The following KLF12 variants were observed in gnomAD, a reference collection of about 807,000 sequenced individuals.
KLF12 encodes KLF transcription factor 12.
Under a neutral mutation model 37.8 loss-of-function variants are expected in KLF12, and 9 were observed. That is an observed-to-expected ratio of 0.24 (90% CI 0.14 to 0.42). The LOEUF (loss-of-function observed/expected upper bound fraction) is 0.42, where lower values mean the gene tolerates loss of function less well. KLF12 is among the 10% of genes least tolerant of loss of function. The pLI, the probability that KLF12 is intolerant of heterozygous loss-of-function variation, is 1.00. For synonymous variants in KLF12, 208 were observed against 202.1 expected (o/e 1.03, Z -0.25); for missense variants, 411 against 516.0 (o/e 0.80, Z 1.97).
At chr13:74,020,872 C>A (rs1310865390) in intron 1 of KLF12, among the ~76,000 whole-genome samples, 1 of 144,182 alleles carries the variant, frequency 6.9e-6, no homozygotes, top group African/African-American at 2.6e-5. Context: ...GCCTGGGCGA[C>A]AGAGCCACAC....
At chr13:74,239,215 G>C in the KLF12 span, among the ~76,000 whole-genome samples, 3 of 151,820 alleles carry the variant, frequency 2.0e-5, no homozygotes, top group Non-Finnish European at 4.4e-5. Flanking sequence ...AGTCATTCAG[G>C]AGCAGGTTGT....
At position 73,920,732 on chromosome 13, in the gene KLF12, C is replaced by T. The variant is rs116330552; in HGVS notation, c.123+23249G>A. 8.9e-3 allele frequency among the ~76,000 whole-genome samples: 1,350 copies of T among 152,148 alleles called. 22 individuals carry two copies. Among genetic ancestry groups the T allele is most frequent in the African/African-American group, 0.031 (1,286 of 41,490 alleles). ...GGATTTCCTGCTTTTCACTTCTACC[C>T]CCTCCCTCAAGAGTCATCTCTCTCT... On this transcript the variant is annotated intron_variant, in intron 3 of 7. Transcript: ENST00000377669.
the KLF12 span, among the ~76,000 whole-genome samples, chr13:74,299,551 A>G: frequency 6.6e-6 from 1 of 152,160 alleles, no homozygotes; most frequent in Admixed American, 6.6e-5. Context: ...TTACACAGCA[A>G]TGATCAACAG....
rs776521333 is a variant in KLF12 at position 73,710,175 on chromosome 13, C to CA, written c.1027+5192dup. Among the ~76,000 whole-genome samples the CA allele has an allele frequency of 3.9e-5, 6 of 152,198 alleles. No homozygotes were observed. The East Asian group carries it at 9.7e-4, about 24-fold the overall frequency. ...CAAAGCCATCATTAAGGGACAGCTC[C>CA]AACCACACATACAACATGGCATGTT... On this transcript the variant is annotated intron_variant, in intron 7 of 7. Coordinates refer to ENST00000377669, the MANE Select transcript of KLF12 (RefSeq NM_007249.5).
chr13:74,193,875 T>C, the KLF12 span, among the ~76,000 whole-genome samples: 1 of 152,216 alleles, frequency 6.6e-6, no homozygotes. Flanking sequence ...ATGCTACTAG[T>C]ATTTGTAACA....
chr13:73,915,951 G>C (rs143189324), intron 3 of KLF12, among the ~76,000 whole-genome samples: 6 of 152,118 alleles, frequency 3.9e-5, no homozygotes, highest in Middle Eastern at 3.4e-3. Context: ...AAAGACTTGA[G>C]AAGGAAACTT....
At chr13:74,122,619 A>C (rs1877696459) in intron 1 of KLF12, among the ~76,000 whole-genome samples, 1 of 152,074 alleles carries the variant, frequency 6.6e-6, no homozygotes, top group South Asian at 2.1e-4. Context: ...AGCGACAAAA[A>C]CTGGAAACAC....
At chr13:73,914,533 A>G (rs1036054483) in intron 3 of KLF12, among the ~76,000 whole-genome samples, 16 of 152,202 alleles carry the variant, frequency 1.1e-4, no homozygotes, top group African/African-American at 3.6e-4. Flanking sequence ...ACAGAAAAAA[A>G]CAAATTCTCT....
intron 6 of KLF12, among the ~76,000 whole-genome samples, chr13:73,755,749 C>A (rs745355491): frequency 6.6e-6 from 1 of 151,488 alleles, no homozygotes; most frequent in Non-Finnish European, 1.5e-5. Flanking sequence ...ACCCTCACCA[C>A]CCCCCCAACC....
upstream of KLF12, among the ~76,000 whole-genome samples, chr13:74,135,802 CGTGGA>C (rs938608923): frequency 3.9e-5 from 6 of 152,202 alleles, no homozygotes; most frequent in African/African-American, 1.4e-4. Flanking sequence ...TGTACTGTGG[CGTGGA>C]GTGGGGTGGG....
intron 6 of KLF12, among the ~76,000 whole-genome samples, chr13:73,764,684 T>C (rs1250942905): frequency 6.6e-6 from 1 of 152,042 alleles, no homozygotes; most frequent in African/African-American, 2.4e-5. Context: ...GAGTTTATAA[T>C]CTTGGGAACT....
At chr13:73,902,456 G>A (rs957763403) in intron 3 of KLF12, among the ~76,000 whole-genome samples, 10 of 152,082 alleles carry the variant, frequency 6.6e-5, no homozygotes, top group East Asian at 1.9e-4. Flanking sequence ...TTATAGAAGC[G>A]GATACCAAGC....
At chr13:73,732,083 ATTTTTT>A (rs35067068) in intron 6 of KLF12, among the ~76,000 whole-genome samples, 1 of 131,314 alleles carries the variant, frequency 7.6e-6, no homozygotes, top group Admixed American at 7.7e-5. Context: ...TATTAACCCT[ATTTTTT>A]TTTTTTTTTT....
At chr13:74,227,793 G>C in the KLF12 span, among the ~76,000 whole-genome samples, 1 of 152,106 alleles carries the variant, frequency 6.6e-6, no homozygotes, top group Non-Finnish European at 1.5e-5. Context: ...AATTCCTTTA[G>C]AAGTTCCCGA....
At chr13:74,113,042 T>C (rs1487753434) in intron 1 of KLF12, among the ~76,000 whole-genome samples, 1 of 152,206 alleles carries the variant, frequency 6.6e-6, no homozygotes, top group Non-Finnish European at 1.5e-5. Context: ...AACATTCCCT[T>C]AAACCAAAGC....
At chr13:73,763,201 C>T (rs1006337667) in intron 6 of KLF12, among the ~76,000 whole-genome samples, 28 of 152,280 alleles carry the variant, frequency 1.8e-4, no homozygotes, top group African/African-American at 6.0e-4. Context: ...CTGCTAACTT[C>T]TCCTTCTAAA....
At chr13:73,871,226 A>G (rs760636691) in intron 3 of KLF12, among the ~76,000 whole-genome samples, 3 of 152,166 alleles carry the variant, frequency 2.0e-5, no homozygotes, top group Non-Finnish European at 4.4e-5. Flanking sequence ...TGTCAGCTGT[A>G]GTACTCGCAA....
chr13:73,759,310 T>C (rs1270677988), intron 6 of KLF12, among the ~76,000 whole-genome samples: 1 of 152,182 alleles, frequency 6.6e-6, no homozygotes. Flanking sequence ...AGTCCATGCA[T>C]AATATAATTT....
chr13:74,201,084 C>T, the KLF12 span, among the ~76,000 whole-genome samples: 17 of 152,094 alleles, frequency 1.1e-4, no homozygotes, highest in Non-Finnish European at 2.4e-4. Context: ...TTTTCGTTCT[C>T]AAAATGCCTT....
Sources: allele counts gnomAD v4.1 joint callset (sites outside exome capture counted in the v4.1 genomes callset), GRCh38; gene constraint gnomAD v4.1.1; transcripts MANE v1.5; gene names NCBI Gene and HGNC (gene_info 2026-07-23, HGNC 2026-07-21).